MALRD1: variants seen among roughly 807,000 people sequenced by gnomAD.
MALRD1 encodes MAM and LDL receptor class A domain containing 1, also known as MAM and LDL-receptor class A domain-containing protein 1.
A neutral mutation model predicts 242.1 loss-of-function variants in MALRD1; 247 were observed. That is an observed-to-expected ratio of 1.02 (90% CI 0.92 to 1.13). MALRD1 has a LOEUF of 1.13. Among genes scored for constraint, MALRD1 ranks in the 50% most tolerant of loss-of-function variants. MALRD1 has a pLI of 0.00. For missense variants in MALRD1, 2,989 were observed against 2,533.1 expected, an observed-to-expected ratio of 1.18 and a Z score of -3.86; for synonymous variants, 995 against 866.6, an observed-to-expected ratio of 1.15 and a Z score of -2.60.
At position 19,065,422 on chromosome 10, in the gene MALRD1, T is replaced by A. The variant is rs773526318; in HGVS notation, c.200-1297T>A. 1.4e-4 allele frequency among the ~76,000 whole-genome samples: 21 copies of A among 151,694 alleles called. 1 individual carries two copies. Among genetic ancestry groups the A allele is most frequent in the Non-Finnish European group, 2.5e-4 (17 of 67,944 alleles). On this transcript the variant is annotated intron_variant, in intron 1 of 39. Coordinates refer to ENST00000454679, the MANE Select transcript of MALRD1 (RefSeq NM_001142308.3). ...CATTTGGAAACTGTCATGGCACTAGTGGGAGTGTCTTATGCTAATGATCAA... is the reference window on the plus strand; with the variant it reads ...CATTTGGAAACTGTCATGGCACTAGAGGGAGTGTCTTATGCTAATGATCAA...
At chr10:19,426,738 G>T (rs1833917217) in intron 28 of MALRD1, among the ~76,000 whole-genome samples, 1 of 152,196 alleles carries the variant, frequency 6.6e-6, no homozygotes, top group African/African-American at 2.4e-5. Context: ...GGGAGGTAGA[G>T]GTTGCAGTGA....
At chr10:19,133,171 C>T (rs1405017677) in intron 8 of MALRD1, among the ~76,000 whole-genome samples, 3 of 152,056 alleles carry the variant, frequency 2.0e-5, no homozygotes, top group Non-Finnish European at 2.9e-5. Flanking sequence ...ACATTCAATA[C>T]ATGTTTTGAA....
intron 12 of MALRD1, among the ~76,000 whole-genome samples, chr10:19,158,417 G>T (rs935039500): frequency 6.6e-6 from 1 of 152,144 alleles, no homozygotes; most frequent in African/African-American, 2.4e-5. Context: ...GAATGAGAAG[G>T]TCAGGACAAA....
At chr10:19,087,127 A>G (rs1401901653) in intron 2 of MALRD1, among the ~76,000 whole-genome samples, 1 of 152,018 alleles carries the variant, frequency 6.6e-6, no homozygotes, top group East Asian at 1.9e-4. Flanking sequence ...TGAAATGCAT[A>G]AGGTTAGAAA....
At chr10:19,360,349 C>A (rs1588964408) in intron 26 of MALRD1, among the ~76,000 whole-genome samples, 1 of 152,148 alleles carries the variant, frequency 6.6e-6, no homozygotes, top group East Asian at 1.9e-4. Flanking sequence ...AAATACTTAT[C>A]TTCTGTTCGT....
chr10:19,538,896 G>T (rs1834804631), intron 32 of MALRD1, among the ~76,000 whole-genome samples: 1 of 152,082 alleles, frequency 6.6e-6, no homozygotes, highest in South Asian at 2.1e-4. Flanking sequence ...GTAGCCTATG[G>T]TGTTGAAATG....
At chr10:19,555,521 C>T (rs1338393592) in intron 32 of MALRD1, among the ~76,000 whole-genome samples, 1 of 152,154 alleles carries the variant, frequency 6.6e-6, no homozygotes, top group Middle Eastern at 3.4e-3. Flanking sequence ...TCATGTGAAG[C>T]TGTAAGTCAG....
intron 31 of MALRD1, among the ~76,000 whole-genome samples, chr10:19,523,236 T>C (rs1248720175): frequency 6.6e-6 from 1 of 152,198 alleles, no homozygotes; most frequent in South Asian, 2.1e-4. Flanking sequence ...ACAGCTCCAG[T>C]GCCTTCAGAC....
At chr10:19,201,639 T>A (rs1836545829) in intron 14 of MALRD1, among the ~76,000 whole-genome samples, 1 of 152,186 alleles carries the variant, frequency 6.6e-6, no homozygotes, top group South Asian at 2.1e-4. Context: ...TTGAAAACCC[T>A]GGACTCTATG....
intron 21 of MALRD1, among the ~76,000 whole-genome samples, chr10:19,310,870 CCCAGAATA>C (rs1169565918): frequency 6.6e-6 from 1 of 151,354 alleles, no homozygotes; most frequent in Non-Finnish European, 1.5e-5. Flanking sequence ...CAGTGCATGT[CCCAGAATA>C]CCATCAGTAT....
intron 26 of MALRD1, among the ~76,000 whole-genome samples, chr10:19,386,519 A>G (rs1846082489): frequency 6.6e-6 from 1 of 152,138 alleles, no homozygotes; most frequent in Non-Finnish European, 1.5e-5. Context: ...ATTGTTACCC[A>G]TGACAGTTAA....
intron 32 of MALRD1, among the ~76,000 whole-genome samples, chr10:19,566,187 G>A (rs1260620895): frequency 6.6e-6 from 1 of 151,808 alleles, no homozygotes; most frequent in African/African-American, 2.4e-5. Flanking sequence ...GGAATGCAGT[G>A]GCATGATCTC....
At chr10:19,364,121 A>G (rs1314523857) in intron 26 of MALRD1, among the ~76,000 whole-genome samples, 1 of 152,114 alleles carries the variant, frequency 6.6e-6, no homozygotes, top group Non-Finnish European at 1.5e-5. Flanking sequence ...AGGACAAGAA[A>G]TAACTGGAAG....
At chr10:19,626,827 T>C (rs559135517) in intron 36 of MALRD1, among the ~76,000 whole-genome samples, 1 of 152,280 alleles carries the variant, frequency 6.6e-6, no homozygotes, top group East Asian at 1.9e-4. Flanking sequence ...TAATTAAATC[T>C]AGTTAATAAT....
intron 29 of MALRD1, among the ~76,000 whole-genome samples, chr10:19,463,072 T>C (rs2131103142): frequency 6.6e-6 from 1 of 152,312 alleles, no homozygotes; most frequent in Non-Finnish European, 1.5e-5. Flanking sequence ...GTTGTATTAC[T>C]AGGAAAGAGG....
chr10:19,318,974 T>TACAC lies in MALRD1; in HGVS notation c.3420-4947_3420-4944dup, dbSNP rs5783665. ...GTACATATAATAACGTACACAGACA[T>TACAC]ACACACACACACACACACACACACA... On this transcript the variant is annotated intron_variant, in intron 21 of 39. Transcript: ENST00000454679. Among the ~76,000 whole-genome samples, 271 of 149,050 alleles carry TACAC rather than the reference T, an allele frequency of 1.8e-3. 3 individuals carry two copies. The highest frequency in any genetic ancestry group is 0.01 in the Middle Eastern group (3 of 290).
chr10:19,297,476 A>G (rs894422198), intron 21 of MALRD1, among the ~76,000 whole-genome samples: 1 of 151,862 alleles, frequency 6.6e-6, no homozygotes, highest in African/African-American at 2.4e-5. Flanking sequence ...GGAATAATAA[A>G]GTTTGGGGTA....
At chr10:19,272,412 T>C (rs773343499) in intron 19 of MALRD1, among the ~76,000 whole-genome samples, 9 of 151,976 alleles carry the variant, frequency 5.9e-5, no homozygotes, top group Non-Finnish European at 8.8e-5. Context: ...TATAATCCAA[T>C]TGGAAAAAGA....
At chr10:19,259,679 C>T (rs1839663393) in intron 19 of MALRD1, among the ~76,000 whole-genome samples, 1 of 152,100 alleles carries the variant, frequency 6.6e-6, no homozygotes, top group African/African-American at 2.4e-5. Context: ...GGGACACAGC[C>T]AAACCATGTC....
Sources: allele counts gnomAD v4.1 joint callset (sites outside exome capture counted in the v4.1 genomes callset), GRCh38; gene constraint gnomAD v4.1.1; transcripts MANE v1.5; gene names NCBI Gene and HGNC (gene_info 2026-07-23, HGNC 2026-07-21).